The following AAK1 variants were observed in gnomAD, a reference collection of about 807,000 sequenced individuals.
AAK1 encodes the protein AP2 associated kinase 1, also known as AP2-associated protein kinase 1.
AAK1 carries 37 observed loss-of-function variants against 116.0 expected under a neutral mutation model. The observed-to-expected ratio is 0.32, with a 90% CI of 0.25 to 0.42. The LOEUF (loss-of-function observed/expected upper bound fraction) is 0.42, where lower values mean the gene tolerates loss of function less well. Ranked by LOEUF, AAK1 falls within the 10% of genes least tolerant of loss-of-function variation. AAK1 has a pLI of 1.00. For missense variants in AAK1, 919 were observed against 1,170.6 expected, an observed-to-expected ratio of 0.79 and a Z score of 3.14; for synonymous variants, 458 against 439.9, an observed-to-expected ratio of 1.04 and a Z score of -0.51.
intron 2 of AAK1, among the ~76,000 whole-genome samples, chr2:69,604,046 GGTTA>G (rs996792320): frequency 5.3e-5 from 8 of 152,290 alleles, no homozygotes; most frequent in South Asian, 2.1e-4. Flanking sequence ...TCTGAAACTC[GGTTA>G]GTTAGAGAGT....
At chr2:69,520,492 G>A (rs1037651471) in intron 11 of AAK1, among the ~76,000 whole-genome samples, 4 of 151,558 alleles carry the variant, frequency 2.6e-5, no homozygotes, top group Non-Finnish European at 4.4e-5. Context: ...CCCAGTAGCT[G>A]GGACTACAGG....
intron 12 of AAK1, among the ~76,000 whole-genome samples, chr2:69,517,601 A>G (rs1369311068): frequency 1.3e-5 from 2 of 151,768 alleles, no homozygotes; most frequent in African/African-American, 4.8e-5. Context: ...AACAGGAAGA[A>G]CAAAGAATTG....
At chr2:69,504,397 C>CAAAAAA (rs57214954) in intron 16 of AAK1, among the ~76,000 whole-genome samples, 3 of 57,776 alleles carry the variant, frequency 5.2e-5, no homozygotes, top group African/African-American at 2.1e-4. Flanking sequence ...GACTCCATCT[C>CAAAAAA]AAAAAAAAAA....
chr2:69,512,770 G>A (rs925131286), intron 13 of AAK1, among the ~76,000 whole-genome samples: 7 of 152,214 alleles, frequency 4.6e-5, no homozygotes, highest in South Asian at 2.1e-4. Context: ...CAAAGAACAC[G>A]GAGAAAGTTC....
chr2:69,505,171 T>G (rs968330837), intron 16 of AAK1, among the ~76,000 whole-genome samples: 3 of 151,940 alleles, frequency 2.0e-5, no homozygotes, highest in African/African-American at 7.3e-5. Flanking sequence ...TAGAGGAGTG[T>G]TAGCTATAAC....
Position 69,643,729 on chromosome 2 carries a change from G to T in AAK1, c.-389C>A. 1.7e-6 allele frequency: 2 copies of T among 1,210,602 alleles called. No individual in the cohort carries two copies. The highest frequency in any genetic ancestry group is 2.1e-6 in the Non-Finnish European group (2 of 974,520). 75.0% of individuals were successfully genotyped at this position (1,210,602 alleles called of 1,614,324 possible). A position where few individuals can be genotyped will look rare whatever the true frequency, so the allele number is the denominator to read the frequency against. On this transcript the variant is annotated 5_prime_UTR_variant, in exon 1 of 22. Transcript: ENST00000409085. ...CCCGCCAGCTGATCCCGGGAGCGCC[G>T]GGCGGAGACTGACCCGCCGCCCCTC...
chr2:69,465,354 T>G lies in AAK1; in HGVS notation c.*10515A>C. On this transcript the variant is annotated 3_prime_UTR_variant, in exon 22 of 22. Coordinates refer to ENST00000409085, the MANE Select transcript of AAK1 (RefSeq NM_014911.5). ...TGATAATATTTCTTCTTCAGAAGGC[T>G]AAGCTGGGAGTGCCATGGCGGGTAT... The G allele has an allele frequency of 1.7e-6, 2 of 1,171,364 alleles. No homozygotes were observed. The highest frequency in any genetic ancestry group is 2.2e-6 in the Non-Finnish European group (2 of 919,950). 72.6% of individuals were successfully genotyped at this position (1,171,364 alleles called of 1,614,324 possible).
At chr2:69,489,623 C>T (rs1241359786) in intron 17 of AAK1, among the ~76,000 whole-genome samples, 1 of 152,152 alleles carries the variant, frequency 6.6e-6, no homozygotes, top group Non-Finnish European at 1.5e-5. Context: ...GAGGACACGG[C>T]CACTCCAGCC....
At chr2:69,594,784 A>C in intron 2 of AAK1, 1 of 1,110,224 alleles carries the variant, frequency 9.0e-7, no homozygotes, top group South Asian at 1.2e-5. Context: ...ACCTCCTCCC[A>C]GTTCAGAATG....
At chr2:69,508,617 A>G (rs1676277796) in intron 14 of AAK1, among the ~76,000 whole-genome samples, 1 of 152,194 alleles carries the variant, frequency 6.6e-6, no homozygotes, top group Non-Finnish European at 1.5e-5. Flanking sequence ...ACGACAACAC[A>G]ATGTCATATA....
chr2:69,496,879 T>G (rs1010080672), intron 16 of AAK1, among the ~76,000 whole-genome samples: 5 of 152,086 alleles, frequency 3.3e-5, no homozygotes, highest in Non-Finnish European at 7.4e-5. Flanking sequence ...GGGGCAGAAA[T>G]AGACTTCTTG....
Position 69,468,107 on chromosome 2 carries a change from A to G in AAK1, c.*7762T>C, listed in dbSNP as rs536166324. On this transcript the variant is annotated 3_prime_UTR_variant, in exon 22 of 22. Coordinates refer to ENST00000409085, the MANE Select transcript of AAK1 (RefSeq NM_014911.5). Reference sequence around the variant, plus strand: ...TGGCTTTCAGAATAGTATTTGAAGAATAAGATTTTGAAAAGAATAAATTTT... The same window carrying G: ...TGGCTTTCAGAATAGTATTTGAAGAGTAAGATTTTGAAAAGAATAAATTTT... The G allele has an allele frequency of 3.7e-3, 3,695 of 985,346 alleles. 10 individuals are homozygous for G. Among genetic ancestry groups the G allele is most frequent in the Non-Finnish European group, 4.2e-3 (3,495 of 829,834 alleles). 61.0% of individuals were successfully genotyped at this position (985,346 alleles called of 1,614,324 possible). A position where few individuals can be genotyped will look rare whatever the true frequency, so the allele number is the denominator to read the frequency against.
intron 17 of AAK1, among the ~76,000 whole-genome samples, chr2:69,485,260 TTC>T (rs1281771172): frequency 6.6e-6 from 1 of 152,222 alleles, no homozygotes; most frequent in Non-Finnish European, 1.5e-5. Context: ...TTGCTTGTCT[TTC>T]ATGCAGCAGT....
Position 69,530,026 on chromosome 2 carries a change from C to A in AAK1, c.853G>T (p.Asp285Tyr), listed in dbSNP as rs1252237027. The A allele has an allele frequency of 5.6e-6, 9 of 1,595,256 alleles. No individual in the cohort carries two copies. The highest frequency in any genetic ancestry group is 7.7e-6 in the Non-Finnish European group (9 of 1,170,956). Reference protein sequence around the residue: ...TIPDNSRYSQDMHCLIRYMLE... With the variant: ...TIPDNSRYSQYMHCLIRYMLE... ...TACTTACTAATTAGGCAGTGCATGT[C>A]TTGAGAATATCGAGAATTATCAGGA... Residue 285 changes from aspartate to tyrosine, a missense_variant, in exon 8 of 22, where the codon GAC (aspartate) becomes TAC (tyrosine). Asp to Tyr is a radical substitution (Grantham distance 160). Coordinates refer to ENST00000409085, the MANE Select transcript of AAK1 (RefSeq NM_014911.5).
At chr2:69,613,266 T>C (rs946497039) in intron 2 of AAK1, among the ~76,000 whole-genome samples, 1 of 152,148 alleles carries the variant, frequency 6.6e-6, no homozygotes, top group Admixed American at 6.5e-5. Flanking sequence ...ATATATTTGG[T>C]CGTTGCCCCT....
intron 3 of AAK1, among the ~76,000 whole-genome samples, chr2:69,554,865 C>A (rs2312213): frequency 0.011 from 1,688 of 152,204 alleles, 36 homozygotes; most frequent in African/African-American, 0.038. Context: ...GCTAATACGC[C>A]TCTGGGCCAA....
chr2:69,563,249 C>G (rs1169321447), intron 2 of AAK1, among the ~76,000 whole-genome samples: 2 of 151,894 alleles, frequency 1.3e-5, no homozygotes, highest in Non-Finnish European at 2.9e-5. Flanking sequence ...AATCAGGACA[C>G]CAGTGACTTC....
rs1669755286 is a variant in AAK1, at chr2:69,521,055, C to T, written c.1056-67G>A. The T allele has an allele frequency of 3.2e-6, 5 of 1,552,776 alleles. No individual in the cohort carries two copies. In the South Asian group the frequency reaches 5.6e-5, roughly 18 times the overall value. ...AAAATGGAAGGGAGTGGGCAGAGGA[C>T]ACAATGCTTCCGCTTCCACATCGAC... On this transcript the variant is annotated intron_variant, in intron 10 of 21. Coordinates refer to ENST00000409085, the MANE Select transcript of AAK1 (RefSeq NM_014911.5).
intron 2 of AAK1, among the ~76,000 whole-genome samples, chr2:69,585,292 C>T (rs115708348): frequency 0.016 from 2,402 of 152,198 alleles, 59 homozygotes; most frequent in African/African-American, 0.055. Context: ...AAATCCCTGG[C>T]TTCAAGCAAT....
Sources: allele counts gnomAD v4.1 joint callset (sites outside exome capture counted in the v4.1 genomes callset), GRCh38; gene constraint gnomAD v4.1.1; transcripts MANE v1.5; gene names NCBI Gene and HGNC (gene_info 2026-07-23, HGNC 2026-07-21).